The following C16orf78 variants were observed in gnomAD, a reference collection of about 807,000 sequenced individuals.
C16orf78 encodes chromosome 16 open reading frame 78, also known as uncharacterized protein C16orf78.
C16orf78 carries 19 observed loss-of-function variants against 27.3 expected under a neutral mutation model. The ratio of observed to expected loss-of-function variants is 0.70; its 90% CI spans 0.49 to 1.02. C16orf78 has a LOEUF of 1.02. Ranked by LOEUF, C16orf78 falls within the 50% of genes least tolerant of loss-of-function variation. C16orf78 has a pLI of 0.00. For synonymous variants in C16orf78, 130 were observed against 116.1 expected (o/e 1.12, Z -0.77); for missense variants, 339 against 337.0 (o/e 1.01, Z -0.05).
chr16:49,387,564 T>C (rs1047111567), intron 3 of C16orf78, among the ~76,000 whole-genome samples: 4 of 152,214 alleles, frequency 2.6e-5, no homozygotes, highest in Non-Finnish European at 5.9e-5. Flanking sequence ...CCTCATAGAA[T>C]GAGTTAGGGA....
In C16orf78 at chr16:49,373,854, A is replaced by G. The variant is rs1965183536; in HGVS notation, c.-86A>G. ...GAGGCCACACCCTACCTTCTAAGTC[A>G]CCAGGCCATCAAGTCCAGACAAAGG... On this transcript the variant is annotated 5_prime_UTR_variant, in exon 1 of 5. Transcript: ENST00000299191. 6.5e-7 allele frequency: 1 copy of G among 1,532,472 alleles called. No homozygotes were observed. 94.9% of individuals were successfully genotyped at this position (1,532,472 alleles called of 1,614,324 possible).
intron 3 of C16orf78, among the ~76,000 whole-genome samples, chr16:49,388,597 G>A (rs930722079): frequency 2.0e-5 from 3 of 152,042 alleles, no homozygotes; most frequent in Non-Finnish European, 2.9e-5. Flanking sequence ...CTACAGCCTC[G>A]ACCTCCCATG....
At chr16:49,398,429 T>A (rs1965499353) in intron 4 of C16orf78, among the ~76,000 whole-genome samples, 1 of 152,212 alleles carries the variant, frequency 6.6e-6, no homozygotes, top group Non-Finnish European at 1.5e-5. Flanking sequence ...ATCAGAATTA[T>A]GGGGCTCTAG....
chr16:49,376,282 G>A (rs959679865), intron 1 of C16orf78, among the ~76,000 whole-genome samples: 2 of 152,246 alleles, frequency 1.3e-5, no homozygotes, highest in Non-Finnish European at 2.9e-5. Flanking sequence ...CATCAGCGAA[G>A]ACCCCTGAGG....
At position 49,377,873 on chromosome 16, in the gene C16orf78, A is replaced by G. The variant is rs200800775; in HGVS notation, c.270+23A>G. 168 of 1,554,244 alleles carry G rather than the reference A, an allele frequency of 1.1e-4. 2 individuals are homozygous for G. In the African/African-American group the frequency reaches 2.1e-3, roughly 20 times the overall value. The stretch of plus-strand genomic sequence containing the variant: ...CAGGTAATGCAGCCCCTCTTCCCCC[A>G]CTCACCCCCACTGGGTCTCCAAATG... On this transcript the variant is annotated intron_variant, in intron 2 of 4. Transcript: ENST00000299191.
intron 3 of C16orf78, among the ~76,000 whole-genome samples, chr16:49,381,574 A>G (rs1269389466): frequency 1.3e-5 from 2 of 152,022 alleles, no homozygotes; most frequent in Non-Finnish European, 2.9e-5. Context: ...ACAAGAAAAA[A>G]CAAACAACCC....
Position 49,382,418 on chromosome 16 carries a change from AAAAT to A in C16orf78, c.394+3850_394+3853del, listed in dbSNP as rs529800222. 1.5e-3 allele frequency among the ~76,000 whole-genome samples: 233 copies of A among 151,532 alleles called. 2 individuals are homozygous for A. Among genetic ancestry groups the A allele is most frequent in the Middle Eastern group, 6.8e-3 (2 of 292 alleles). ...ACCCTAAAACTTAAAGTATAATAATAAAATAAATAAATAAATAAATAAATAAATT... is the reference window on the plus strand; with the variant it reads ...ACCCTAAAACTTAAAGTATAATAATAAAATAAATAAATAAATAAATAAATT... On this transcript the variant is annotated intron_variant, in intron 3 of 4. Transcript: ENST00000299191.
chr16:49,381,168 A>G (rs1965282017), intron 3 of C16orf78, among the ~76,000 whole-genome samples: 1 of 152,220 alleles, frequency 6.6e-6, no homozygotes, highest in Non-Finnish European at 1.5e-5. Context: ...AATTGTGTGA[A>G]GAAAGGCATT....
chr16:49,374,194 TTG>T (rs1220380049), intron 1 of C16orf78, 105 bp downstream of exon 1: 3 of 1,418,768 alleles, frequency 2.1e-6, no homozygotes, highest in Non-Finnish European at 2.9e-6. Context: ...CGGGATGGTT[TTG>T]AAGTGCTGGG....
At chr16:49,379,265 G>T (rs1965259257) in intron 3 of C16orf78, among the ~76,000 whole-genome samples, 2 of 151,968 alleles carry the variant, frequency 1.3e-5, no homozygotes, top group African/African-American at 2.4e-5. Flanking sequence ...AATATTAGTG[G>T]TTTTTTTCTA....
At position 49,396,562 on chromosome 16, in the gene C16orf78, C is replaced by T. The variant is rs1275296604; in HGVS notation, c.534C>T (p.Ser178=). The change falls in exon 4 of 5, where the codon TCC becomes TCT. Residue 178 remains serine, a synonymous_variant. Transcript: ENST00000299191. ...SQRATFIRDW[S]NKMPDMAYER... ...GGGCAACCTTCATAAGAGACTGGTC[C>T]AACAAGATGCCTGACATGGCTTACG... is the stretch of plus-strand genomic sequence containing the variant. The T allele has an allele frequency of 1.2e-6, 2 of 1,614,150 alleles. No individual in the cohort carries two copies. Among genetic ancestry groups the T allele is most frequent in the Non-Finnish European group, 8.5e-7 (1 of 1,180,018 alleles).
chr16:49,382,442 T>A (rs1378288408), intron 3 of C16orf78, among the ~76,000 whole-genome samples: 1 of 151,406 alleles, frequency 6.6e-6, no homozygotes, highest in African/African-American at 2.4e-5. Context: ...AATAAATAAA[T>A]AAATTTAAAA....
At chr16:49,375,836 C>T (rs565172733) in intron 1 of C16orf78, among the ~76,000 whole-genome samples, 3 of 152,326 alleles carry the variant, frequency 2.0e-5, no homozygotes, top group Admixed American at 6.5e-5. Context: ...TCTCTCCAAA[C>T]TCAATTTAAT....
chr16:49,388,260 T>C (rs1040124943), intron 3 of C16orf78, among the ~76,000 whole-genome samples: 1 of 152,164 alleles, frequency 6.6e-6, no homozygotes, highest in African/African-American at 2.4e-5. Flanking sequence ...GTTTTGGGGT[T>C]GGTTTGCTCT....
At chr16:49,394,670 CAATGTT>C (rs1965449623) in intron 3 of C16orf78, among the ~76,000 whole-genome samples, 1 of 151,698 alleles carries the variant, frequency 6.6e-6, no homozygotes, top group African/African-American at 2.4e-5. Flanking sequence ...TCATTATTGG[CAATGTT>C]CTAGAGGGTC....
intron 4 of C16orf78, among the ~76,000 whole-genome samples, chr16:49,396,983 A>G (rs1312519807): frequency 6.6e-6 from 1 of 152,242 alleles, no homozygotes; most frequent in Non-Finnish European, 1.5e-5. Flanking sequence ...TCAAAAAGGA[A>G]AGAATGTGGC....
intron 1 of C16orf78, among the ~76,000 whole-genome samples, chr16:49,376,178 G>T (rs900226983): frequency 6.6e-6 from 1 of 152,212 alleles, no homozygotes; most frequent in Non-Finnish European, 1.5e-5. Context: ...GGCCCTCTGT[G>T]ACCTCCTCTG....
chr16:49,377,858 AG>A lies in C16orf78; in HGVS notation c.270+9del. 6.4e-7 allele frequency: 1 copy of A among 1,564,026 alleles called. No individual in the cohort carries two copies. The highest frequency in any genetic ancestry group is 8.7e-7 in the Non-Finnish European group (1 of 1,153,486). On this transcript the variant is annotated intron_variant, in intron 2 of 4. Transcript: ENST00000299191. Reference sequence around the variant, plus strand: ...ACGGAGACTTCCCAGCAGGTAATGCAGCCCCTCTTCCCCCACTCACCCCCAC... The same window carrying A: ...ACGGAGACTTCCCAGCAGGTAATGCACCCCTCTTCCCCCACTCACCCCCAC...
At chr16:49,399,043 T>G (rs574092850) in intron 4 of C16orf78, 88 bp from the exon 5 acceptor site, 1 of 1,422,542 alleles carries the variant, frequency 7.0e-7, no homozygotes, top group Admixed American at 1.8e-5. Flanking sequence ...CCACACTTAC[T>G]GCTGCTCAAA....
Sources: gnomAD v4.1 joint callset for allele counts (sites outside exome capture counted in the v4.1 genomes callset) on GRCh38, gnomAD v4.1.1 for gene constraint, MANE v1.5 for transcripts, NCBI Gene and HGNC (gene_info 2026-07-23, HGNC 2026-07-21) for gene names.